Variants in ADGRB3 observed in about 807,000 individuals in gnomAD.
ADGRB3 encodes adhesion G protein-coupled receptor B3.
A neutral mutation model predicts 193.4 loss-of-function variants in ADGRB3; 37 were observed. That is an observed-to-expected ratio of 0.19 (90% confidence interval 0.15 to 0.25). The LOEUF (loss-of-function observed/expected upper bound fraction) is 0.25. ADGRB3 is among the 10% of genes least tolerant of loss of function. The pLI, the probability that ADGRB3 is intolerant of heterozygous loss-of-function variation, is 1.00. For synonymous variants in ADGRB3, 690 were observed against 644.2 expected, an observed-to-expected ratio of 1.07 and a Z score of -1.08; for missense variants, 1,637 against 1,852.9, an observed-to-expected ratio of 0.88 and a Z score of 2.14.
intron 3 of ADGRB3, among the ~76,000 whole-genome samples, chr6:68,876,722 A>G (rs1289357839): frequency 3.3e-5 from 5 of 152,232 alleles, no homozygotes; most frequent in Non-Finnish European, 5.9e-5. Context: ...TTAAGTAAAC[A>G]GTTACATTTA....
chr6:69,319,620 TTG>T (rs1246813194), intron 20 of ADGRB3, among the ~76,000 whole-genome samples: 2 of 151,372 alleles, frequency 1.3e-5, no homozygotes, highest in Admixed American at 1.3e-4. Flanking sequence ...AAAATTATTA[TTG>T]TTTTTATAAA....
intron 3 of ADGRB3, among the ~76,000 whole-genome samples, chr6:68,790,453 C>A (rs1767078645): frequency 1.3e-5 from 2 of 152,312 alleles, no homozygotes; most frequent in East Asian, 1.9e-4. Flanking sequence ...GTTCTCCCAG[C>A]ACGCAGCTTG....
intron 17 of ADGRB3, among the ~76,000 whole-genome samples, chr6:69,229,147 GA>G (rs1390563092): frequency 1.3e-5 from 2 of 152,072 alleles, no homozygotes; most frequent in African/African-American, 2.4e-5. Context: ...AACAGCTGCT[GA>G]AAAAACAATG....
At chr6:69,217,608 C>G (rs1016380111) in intron 17 of ADGRB3, among the ~76,000 whole-genome samples, 12 of 152,162 alleles carry the variant, frequency 7.9e-5, no homozygotes, top group Non-Finnish European at 1.6e-4. Flanking sequence ...GGGTGTCGCC[C>G]AGCCCCATGG....
chr6:68,902,313 A>T (rs574740431), intron 3 of ADGRB3, among the ~76,000 whole-genome samples: 1 of 152,266 alleles, frequency 6.6e-6, no homozygotes, highest in East Asian at 1.9e-4. Context: ...TTTTAAGACA[A>T]TAAATCAAGC....
chr6:69,306,885 AGATTTCTCAG>A (rs1768077031), intron 20 of ADGRB3, among the ~76,000 whole-genome samples: 1 of 151,414 alleles, frequency 6.6e-6, no homozygotes, highest in Non-Finnish European at 1.5e-5. Flanking sequence ...AGAGCAAGCA[AGATTTCTCAG>A]TGTATTTCAT....
At chr6:69,381,170 T>C (rs376508633) in intron 30 of ADGRB3, among the ~76,000 whole-genome samples, 4 of 152,068 alleles carry the variant, frequency 2.6e-5, no homozygotes, top group African/African-American at 7.2e-5. Context: ...AATCTCCCCA[T>C]TGAGTTGCTT....
chr6:69,064,107 G>T (rs2150308459), intron 16 of ADGRB3, among the ~76,000 whole-genome samples: 1 of 151,882 alleles, frequency 6.6e-6, no homozygotes, highest in South Asian at 2.1e-4. Context: ...CTACTATTGT[G>T]TAGTTTCTGA....
intron 3 of ADGRB3, among the ~76,000 whole-genome samples, chr6:68,665,142 T>C (rs956468171): frequency 2.0e-5 from 3 of 151,560 alleles, no homozygotes; most frequent in Non-Finnish European, 4.4e-5. Context: ...CTCTTTATCA[T>C]CACTTCTCAT....
intron 3 of ADGRB3, among the ~76,000 whole-genome samples, chr6:68,657,972 G>A (rs1031218222): frequency 9.3e-5 from 14 of 151,308 alleles, no homozygotes; most frequent in African/African-American, 2.9e-4. Flanking sequence ...ATCTGTAGTA[G>A]ATATTTTGAG....
chr6:68,829,168 C>T (rs976992128), intron 3 of ADGRB3, among the ~76,000 whole-genome samples: 16 of 142,542 alleles, frequency 1.1e-4, no homozygotes, highest in African/African-American at 3.9e-4. Context: ...GGCACAATCT[C>T]GGCTCACTGA....
At chr6:68,785,786 G>A (rs955158129) in intron 3 of ADGRB3, among the ~76,000 whole-genome samples, 41 of 152,060 alleles carry the variant, frequency 2.7e-4, no homozygotes, top group African/African-American at 8.9e-4. Flanking sequence ...GCATAAAAGT[G>A]TTCCTATATC....
intron 13 of ADGRB3, among the ~76,000 whole-genome samples, chr6:69,046,208 G>T (rs1461224066): frequency 2.0e-5 from 3 of 152,034 alleles, no homozygotes; most frequent in Admixed American, 6.5e-5. Flanking sequence ...TTTTATAATA[G>T]AAACTAATTG....
intron 20 of ADGRB3, among the ~76,000 whole-genome samples, chr6:69,253,528 A>G (rs932840269): frequency 6.6e-6 from 1 of 152,062 alleles, no homozygotes; most frequent in African/African-American, 2.4e-5. Context: ...GATGCTGAGA[A>G]AGAAAGGACA....
intron 3 of ADGRB3, among the ~76,000 whole-genome samples, chr6:68,641,139 C>G (rs1768074447): frequency 6.6e-6 from 1 of 152,128 alleles, no homozygotes; most frequent in African/African-American, 2.4e-5. Context: ...GTTTGTTTTA[C>G]TGTTGTTTTA....
At chr6:68,966,853 G>A (rs1768394670) in intron 8 of ADGRB3, among the ~76,000 whole-genome samples, 1 of 152,166 alleles carries the variant, frequency 6.6e-6, no homozygotes, top group African/African-American at 2.4e-5. Flanking sequence ...TTCTATAAGT[G>A]GCACTGAGAA....
At chr6:68,656,490 A>G (rs950015595) in intron 3 of ADGRB3, among the ~76,000 whole-genome samples, 3 of 151,586 alleles carry the variant, frequency 2.0e-5, no homozygotes, top group African/African-American at 7.2e-5. Context: ...AGTGAAAACC[A>G]GCATGCAAAA....
In ADGRB3 at chr6:69,133,542, A is replaced by C. The variant is rs192137677; in HGVS notation, c.2480+57504A>C. Among the ~76,000 whole-genome samples, 11 of 152,204 alleles carry C rather than the reference A, an allele frequency of 7.2e-5. 1 individual carries two copies. The highest frequency in any genetic ancestry group is 6.5e-5 in the Admixed American group (1 of 15,272). On this transcript the variant is annotated intron_variant, in intron 17 of 31. Transcript: ENST00000370598. ...ACAGCCAAATTCTACCAGAGGTACA[A>C]AGAAGAGCTGGTACCATTCCTTCTG...
At position 69,382,946 on chromosome 6, in the gene ADGRB3, T is replaced by C. The variant is rs768368569; in HGVS notation, c.4380+11T>C. ...AATACAAGCAGTATGGTAAGTATGC[T>C]TTGCTTCAATGCCTGAGTAGAAGAT... is the stretch of plus-strand genomic sequence containing the variant. On this transcript the variant is annotated intron_variant, in intron 31 of 31. Transcript: ENST00000370598. The C allele has an allele frequency of 3.0e-5, 47 of 1,548,394 alleles. No homozygotes were observed. The highest frequency in any genetic ancestry group is 3.4e-4 in the Middle Eastern group (2 of 5,930).
Sources: gnomAD v4.1 joint callset for allele counts (sites outside exome capture counted in the v4.1 genomes callset) on GRCh38, gnomAD v4.1.1 for gene constraint, MANE v1.5 for transcripts, NCBI Gene and HGNC (gene_info 2026-07-23, HGNC 2026-07-21) for gene names.